Variants in JMY observed in about 807,000 individuals in gnomAD.
The protein encoded by JMY is junction mediating and regulatory protein, p53 cofactor, also known as junction-mediating and -regulatory protein.
Under a neutral mutation model 103.3 loss-of-function variants are expected in JMY, and 46 were observed. The observed-to-expected ratio is 0.45, with a 90% CI of 0.35 to 0.57. The LOEUF (loss-of-function observed/expected upper bound fraction) is 0.57, where lower values mean the gene tolerates loss of function less well. Among genes scored for constraint, JMY ranks in the 20% least tolerant of loss-of-function variants. The pLI is 0.00. For missense variants in JMY, 1,238 were observed against 1,255.2 expected (o/e 0.99, Z 0.21); for synonymous variants, 526 against 489.3 (o/e 1.07, Z -0.99).
chr5:79,314,577 A>G lies in JMY; in HGVS notation c.2385A>G (p.Pro795=), dbSNP rs1002214716. 6.2e-6 allele frequency: 10 copies of G among 1,613,904 alleles called. No individual in the cohort carries two copies. Among genetic ancestry groups the G allele is most frequent in the African/African-American group, 2.7e-5 (2 of 74,878 alleles). The change falls in exon 9 of 11, where the codon CCA becomes CCG. Residue 795 remains proline (P), a synonymous_variant. Coordinates refer to ENST00000396137, the MANE Select transcript of JMY (RefSeq NM_152405.5). The stretch of plus-strand genomic sequence containing the variant: ...CACTTTTGAATAACAACCTCGAACC[A>G]TGTTCTGTTACCATAAATCCACTCC... ...SLPLLNNNLE[P]CSVTINPLPS...
intron 7 of JMY, among the ~76,000 whole-genome samples, chr5:79,308,700 A>G (rs1054823298): frequency 6.6e-6 from 1 of 151,986 alleles, no homozygotes; most frequent in Non-Finnish European, 1.5e-5. Flanking sequence ...TGTTTTTTTC[A>G]TTTTAAAATA....
intron 2 of JMY, among the ~76,000 whole-genome samples, chr5:79,279,306 C>G (rs181025778): frequency 6.6e-6 from 1 of 152,252 alleles, no homozygotes; most frequent in East Asian, 1.9e-4. Flanking sequence ...TGCACTCCAG[C>G]CTGGGCGACA....
chr5:79,242,542 G>T (rs1744772813), intron 1 of JMY, among the ~76,000 whole-genome samples: 1 of 152,138 alleles, frequency 6.6e-6, no homozygotes, highest in Admixed American at 6.5e-5. Flanking sequence ...TACTGAGGCA[G>T]AAAATGAGAC....
intron 1 of JMY, among the ~76,000 whole-genome samples, chr5:79,272,132 A>T (rs1745802399): frequency 6.6e-6 from 1 of 150,790 alleles, no homozygotes; most frequent in Admixed American, 6.6e-5. Context: ...AAAAAAAAGA[A>T]GTTCTGCATT....
intron 4 of JMY, among the ~76,000 whole-genome samples, chr5:79,297,078 C>T (rs966849834): frequency 4.6e-5 from 7 of 151,950 alleles, no homozygotes; most frequent in African/African-American, 1.7e-4. Context: ...GCTGGTAATC[C>T]CTAATTTTTT....
chr5:79,264,700 ACT>A (rs1426116030), intron 1 of JMY, among the ~76,000 whole-genome samples: 4 of 152,088 alleles, frequency 2.6e-5, no homozygotes, highest in African/African-American at 9.7e-5. Flanking sequence ...TGATTTTGTC[ACT>A]CTGTGCCTGC....
intron 1 of JMY, among the ~76,000 whole-genome samples, chr5:79,264,749 A>G (rs1420155245): frequency 6.6e-6 from 1 of 152,088 alleles, no homozygotes; most frequent in Non-Finnish European, 1.5e-5. Context: ...ATTCAGTAAT[A>G]ACAGTGTTTT....
chr5:79,314,334 T>A lies in JMY; in HGVS notation c.2142T>A (p.Pro714=), dbSNP rs776658144. 1 of 1,614,244 alleles carries A rather than the reference T, an allele frequency of 6.2e-7. No homozygotes were observed. The highest frequency in any genetic ancestry group is 1.7e-5 in the Admixed American group (1 of 60,030). Residue 714 remains proline, a synonymous_variant, in exon 9 of 11, where the codon CCT becomes CCA. Coordinates refer to ENST00000396137, the MANE Select transcript of JMY (RefSeq NM_152405.5). ...CAAGAAGAAAAGGTGCAGCAAGTCC[T>A]GTTCTCCAAGAGGATCATTGTGACT... The part of the protein sequence containing the change: ...AHARRKGAAS[P]VLQEDHCDSL...
chr5:79,239,065 C>G (rs1744652283), intron 1 of JMY, among the ~76,000 whole-genome samples: 1 of 152,054 alleles, frequency 6.6e-6, no homozygotes. Flanking sequence ...GGAGCTAGAG[C>G]CTCATGTTTT....
At chr5:79,283,220 C>T (rs1021079860) in intron 2 of JMY, among the ~76,000 whole-genome samples, 49 of 151,956 alleles carry the variant, frequency 3.2e-4, no homozygotes, top group African/African-American at 1.0e-3. Flanking sequence ...AACTCCCGAC[C>T]TCAGGTGATC....
intron 5 of JMY, 126 bp downstream of exon 5, chr5:79,300,444 G>A: frequency 1.1e-6 from 1 of 933,894 alleles, no homozygotes; most frequent in Non-Finnish European, 1.6e-6. Flanking sequence ...TAGAGTGTGG[G>A]GGGGTGATTT....
chr5:79,284,869 G>A (rs1746223225), intron 2 of JMY: 4 of 1,568,204 alleles, frequency 2.6e-6, no homozygotes, highest in Admixed American at 3.3e-5. Context: ...TTTCTTCTTG[G>A]CCCCCTTTTT....
chr5:79,295,272 C>T (rs1347222714), intron 4 of JMY, among the ~76,000 whole-genome samples: 1 of 152,278 alleles, frequency 6.6e-6, no homozygotes, highest in African/African-American at 2.4e-5. Context: ...AACAGAGGAA[C>T]AGCATTTTAA....
At chr5:79,252,806 T>C (rs1448762202) in intron 1 of JMY, among the ~76,000 whole-genome samples, 2 of 152,236 alleles carry the variant, frequency 1.3e-5, no homozygotes, top group Admixed American at 6.5e-5. Context: ...AACTTTTTCA[T>C]GTATGTCTTC....
chr5:79,287,587 G>T (rs956112905), intron 2 of JMY, among the ~76,000 whole-genome samples: 50 of 152,284 alleles, frequency 3.3e-4, no homozygotes, highest in South Asian at 1.7e-3. Flanking sequence ...TGAGGCTGCA[G>T]TGCGCTAATG....
chr5:79,258,304 TGTTTTTGTTG>T (rs1745310091), intron 1 of JMY, among the ~76,000 whole-genome samples: 1 of 137,046 alleles, frequency 7.3e-6, no homozygotes, highest in South Asian at 2.6e-4. Context: ...GGGCTTTTTT[TGTTTTTGTTG>T]TTTTTTTTTT....
At chr5:79,300,092 A>G (rs945353025) in intron 4 of JMY, 61 bp from the exon 5 acceptor site, 2 of 1,399,884 alleles carry the variant, frequency 1.4e-6, no homozygotes, top group Admixed American at 1.7e-5. Flanking sequence ...AATTTTTAAT[A>G]CTAACTCAAT....
At chr5:79,287,103 T>C (rs947606368) in intron 2 of JMY, among the ~76,000 whole-genome samples, 1 of 152,110 alleles carries the variant, frequency 6.6e-6, no homozygotes, top group Admixed American at 6.6e-5. Flanking sequence ...GGTTGGTTTG[T>C]CTTGGGGGTT....
chr5:79,248,628 A>G (rs1702982816), intron 1 of JMY, among the ~76,000 whole-genome samples: 1 of 151,928 alleles, frequency 6.6e-6, no homozygotes, highest in African/African-American at 2.4e-5. Flanking sequence ...AATTATAGTA[A>G]ATAATTACCT....
Sources: allele counts gnomAD v4.1 joint callset (sites outside exome capture counted in the v4.1 genomes callset), GRCh38; gene constraint gnomAD v4.1.1; transcripts MANE v1.5; gene names NCBI Gene and HGNC (gene_info 2026-07-23, HGNC 2026-07-21).